Variants in RBL1 observed in about 807,000 individuals in gnomAD.
RBL1 encodes retinoblastoma-like protein 1.
In RBL1, 82 loss-of-function variants were observed where a neutral mutation model predicts 123.0. The ratio of observed to expected loss-of-function variants is 0.67; its 90% CI spans 0.56 to 0.80. The LOEUF (loss-of-function observed/expected upper bound fraction) is 0.80. Ranked by LOEUF, RBL1 falls within the 30% of genes least tolerant of loss-of-function variation. RBL1 has a pLI of 0.00. For synonymous variants in RBL1, 405 were observed against 441.3 expected, an observed-to-expected ratio of 0.92 and a Z score of 1.03; for missense variants, 1,171 against 1,299.6, an observed-to-expected ratio of 0.90 and a Z score of 1.52.
At chr20:37,082,047 G>A (rs1194188064) in intron 2 of RBL1, 1 of 455,754 alleles carries the variant, frequency 2.2e-6, no homozygotes, top group South Asian at 1.6e-5. Context: ...ACAGCACAGA[G>A]CATGTGTCTC....
chr20:37,009,343 AC>A lies in RBL1; in HGVS notation c.2723-1785del, dbSNP rs2077378653. The stretch of plus-strand genomic sequence containing the variant: ...CTGGACCCCCCAAAACACTTATACT[AC>A]CATTCTGGGAAACACTGTTTCAAAG... On this transcript the variant is annotated intron_variant, in intron 19 of 21. Transcript: ENST00000373664. Among the ~76,000 whole-genome samples, 4 of 151,768 alleles carry A rather than the reference AC, an allele frequency of 2.6e-5. No homozygotes were observed. The South Asian group carries it at 8.3e-4, about 32-fold the overall frequency.
chr20:37,020,557 T>G (rs894798664), intron 18 of RBL1, 102 bp downstream of exon 18: 14 of 796,468 alleles, frequency 1.8e-5, no homozygotes, highest in Non-Finnish European at 2.8e-5. Flanking sequence ...ACAGAAAATC[T>G]GAAGTATATT....
At chr20:37,085,336 A>G (rs1387547020) in intron 2 of RBL1, among the ~76,000 whole-genome samples, 5 of 151,386 alleles carry the variant, frequency 3.3e-5, no homozygotes, top group African/African-American at 1.2e-4. Context: ...GTGTTTCATC[A>G]TGTTGGCCAG....
intron 18 of RBL1, among the ~76,000 whole-genome samples, chr20:37,020,350 A>G (rs1287781684): frequency 3.9e-5 from 6 of 152,114 alleles, no homozygotes; most frequent in African/African-American, 1.2e-4. Context: ...CCACCTCCCA[A>G]AGTGCTGGGA....
At chr20:37,041,371 G>T (rs1294792894) in intron 13 of RBL1, among the ~76,000 whole-genome samples, 1 of 151,840 alleles carries the variant, frequency 6.6e-6, no homozygotes, top group Non-Finnish European at 1.5e-5. Context: ...GTCCAGGCTG[G>T]AGTGCAATGG....
intron 11 of RBL1, among the ~76,000 whole-genome samples, chr20:37,050,659 T>C (rs925334070): frequency 4.0e-5 from 6 of 150,650 alleles, no homozygotes; most frequent in Admixed American, 3.3e-4. Flanking sequence ...AAAATGAAAG[T>C]TCCAGAAAGA....
chr20:37,005,944 G>A (rs141258548), intron 20 of RBL1, among the ~76,000 whole-genome samples: 52 of 131,232 alleles, frequency 4.0e-4, no homozygotes, highest in African/African-American at 1.4e-3. Flanking sequence ...TGCCCAGACT[G>A]GAGTGTGGTG....
At chr20:37,070,399 T>G (rs2065265777) in intron 2 of RBL1, among the ~76,000 whole-genome samples, 2 of 152,034 alleles carry the variant, frequency 1.3e-5, no homozygotes, top group South Asian at 2.1e-4. Flanking sequence ...TCTGCTGACC[T>G]TCCCTCCACT....
chr20:37,088,280 AAGAGAG>A (rs1332754434), intron 2 of RBL1, among the ~76,000 whole-genome samples: 5 of 151,526 alleles, frequency 3.3e-5, no homozygotes, highest in African/African-American at 1.2e-4. Flanking sequence ...AAAAAAAAAA[AAGAGAG>A]AGAGAGAAAG....
intron 18 of RBL1, among the ~76,000 whole-genome samples, chr20:37,020,404 C>G (rs1290690347): frequency 3.9e-5 from 6 of 152,002 alleles, no homozygotes; most frequent in Non-Finnish European, 1.5e-5. Context: ...ACATATCTTT[C>G]ATTAAATGAA....
chr20:37,021,570 G>A (rs954551200), intron 17 of RBL1, among the ~76,000 whole-genome samples: 3 of 151,424 alleles, frequency 2.0e-5, no homozygotes, highest in South Asian at 2.1e-4. Context: ...TCAGCCTCCC[G>A]AGTAGCTAGG....
intron 11 of RBL1, among the ~76,000 whole-genome samples, chr20:37,052,659 G>C (rs1307818871): frequency 6.6e-6 from 1 of 152,096 alleles, no homozygotes; most frequent in African/African-American, 2.4e-5. Flanking sequence ...ACGGGCATGC[G>C]CCACCACGCC....
chr20:37,082,784 C>T (rs1035110774), intron 2 of RBL1, among the ~76,000 whole-genome samples: 1 of 151,294 alleles, frequency 6.6e-6, no homozygotes, highest in African/African-American at 2.4e-5. Flanking sequence ...ATCACTTGAG[C>T]TCAGGACTTC....
chr20:37,094,594 T>C (rs1568901553), intron 1 of RBL1, among the ~76,000 whole-genome samples: 1 of 152,126 alleles, frequency 6.6e-6, no homozygotes, highest in Non-Finnish European at 1.5e-5. Flanking sequence ...CTACATGAAA[T>C]ACACTCCATC....
Position 37,044,192 on chromosome 20 carries a change from AG to A in RBL1, c.1663del (p.Leu555Ter), listed in dbSNP as rs1490624236. 1 of 1,613,968 alleles carries A rather than the reference AG, an allele frequency of 6.2e-7. No individual in the cohort carries two copies. Among genetic ancestry groups the A allele is most frequent in the Non-Finnish European group, 8.5e-7 (1 of 1,179,974 alleles). On this transcript the variant is annotated frameshift_variant, in exon 13 of 22. Transcript: ENST00000373664. LOFTEE classifies it high-confidence loss of function. The stretch of plus-strand genomic sequence containing the variant: ...CAAAATCTGTTCTTCAATGCTGTTT[AG>A]GTGTTTCACCATGTCCCTTGAGAGC... ...EGLSRDMVKH[L>X]NSIEEQILES... is the part of the protein sequence containing the mutation.
intron 21 of RBL1, among the ~76,000 whole-genome samples, chr20:36,999,703 G>C (rs967901707): frequency 2.0e-5 from 3 of 152,204 alleles, no homozygotes; most frequent in East Asian, 1.9e-4. Context: ...TGTGTTGGCC[G>C]GGCCGGTCTC....
At chr20:37,019,580 G>A (rs560876885) in intron 18 of RBL1, among the ~76,000 whole-genome samples, 1 of 152,192 alleles carries the variant, frequency 6.6e-6, no homozygotes, top group Admixed American at 6.6e-5. Context: ...TCTCTATATT[G>A]CTTGCTATAA....
chr20:37,006,057 A>T (rs570224009), intron 20 of RBL1, among the ~76,000 whole-genome samples: 63 of 149,950 alleles, frequency 4.2e-4, no homozygotes, highest in Non-Finnish European at 7.6e-4. Context: ...CAGCCACTAC[A>T]CGGCTAGTTT....
chr20:37,071,138 A>G (rs1292805765), intron 2 of RBL1, among the ~76,000 whole-genome samples: 1 of 151,960 alleles, frequency 6.6e-6, no homozygotes, highest in Non-Finnish European at 1.5e-5. Context: ...CAGATGATCC[A>G]CCTGCCTCGG....
Sources: gnomAD v4.1 joint callset for allele counts (sites outside exome capture counted in the v4.1 genomes callset) on GRCh38, gnomAD v4.1.1 for gene constraint, MANE v1.5 for transcripts, NCBI Gene and HGNC (gene_info 2026-07-23, HGNC 2026-07-21) for gene names.